Variants in CPA6 observed in about 807,000 individuals in gnomAD.
CPA6 encodes the protein carboxypeptidase B.
A neutral mutation model predicts 63.3 loss-of-function variants in CPA6; 58 were observed. The ratio of observed to expected loss-of-function variants is 0.92; its 90% CI spans 0.74 to 1.14. The LOEUF is 1.14. CPA6 is among the 50% of genes most tolerant of loss of function. The pLI, the probability that CPA6 is intolerant of heterozygous loss-of-function variation, is 0.00. For synonymous variants in CPA6, 185 were observed against 179.0 expected, an observed-to-expected ratio of 1.03 and a Z score of -0.27; for missense variants, 565 against 526.6, an observed-to-expected ratio of 1.07 and a Z score of -0.71.
At chr8:67,426,150 G>A (rs1304655160) in intron 10 of CPA6, among the ~76,000 whole-genome samples, 1 of 152,124 alleles carries the variant, frequency 6.6e-6, no homozygotes, top group African/African-American at 2.4e-5. Flanking sequence ...TGTCTTTTTA[G>A]TAGATAAGGG....
At chr8:67,735,980 G>T (rs1817805193) in intron 1 of CPA6, among the ~76,000 whole-genome samples, 1 of 152,058 alleles carries the variant, frequency 6.6e-6, no homozygotes, top group Non-Finnish European at 1.5e-5. Flanking sequence ...CTGGGTTTAT[G>T]GTTCCTTTAT....
chr8:67,528,652 T>C (rs1812414470), intron 2 of CPA6, among the ~76,000 whole-genome samples: 1 of 152,022 alleles, frequency 6.6e-6, no homozygotes, highest in Admixed American at 6.5e-5. Flanking sequence ...CTCTCCTTCC[T>C]CCACATCCCT....
chr8:67,555,200 G>A (rs1813032250), intron 2 of CPA6, among the ~76,000 whole-genome samples: 1 of 152,114 alleles, frequency 6.6e-6, no homozygotes, highest in Admixed American at 6.5e-5. Flanking sequence ...GAGTTGGGGA[G>A]GACCCTAGAT....
chr8:67,554,462 A>T (rs949086106), intron 2 of CPA6, among the ~76,000 whole-genome samples: 2 of 152,200 alleles, frequency 1.3e-5, no homozygotes, highest in African/African-American at 4.8e-5. Flanking sequence ...ATCCGCCACC[A>T]TGGTCCAGTC....
chr8:67,714,284 G>A (rs1817333172), intron 1 of CPA6, among the ~76,000 whole-genome samples: 1 of 152,126 alleles, frequency 6.6e-6, no homozygotes. Flanking sequence ...AGTGGAAAGC[G>A]ACTAAAAAGG....
intron 5 of CPA6, among the ~76,000 whole-genome samples, chr8:67,507,155 A>T (rs1230130683): frequency 6.6e-5 from 10 of 151,956 alleles, no homozygotes; most frequent in Non-Finnish European, 2.9e-5. Flanking sequence ...TATTTTTAAA[A>T]TTTTTTAATT....
chr8:67,501,045 C>T (rs1052186012), intron 6 of CPA6, among the ~76,000 whole-genome samples: 1 of 152,060 alleles, frequency 6.6e-6, no homozygotes, highest in Non-Finnish European at 1.5e-5. Flanking sequence ...TTTAGCTCTC[C>T]TACTTCCTTT....
intron 2 of CPA6, among the ~76,000 whole-genome samples, chr8:67,586,443 T>A (rs1564011354): frequency 6.6e-6 from 1 of 152,216 alleles, no homozygotes; most frequent in African/African-American, 2.4e-5. Context: ...ATTACTACTA[T>A]GTTTAGTGAA....
At chr8:67,550,834 C>T (rs1270908512) in intron 2 of CPA6, among the ~76,000 whole-genome samples, 1 of 152,106 alleles carries the variant, frequency 6.6e-6, no homozygotes, top group East Asian at 1.9e-4. Context: ...ACTTGTATAT[C>T]TTCTTTTGAG....
chr8:67,545,910 A>T lies in CPA6; in HGVS notation c.193-27863T>A, dbSNP rs147231596. 2.9e-3 allele frequency among the ~76,000 whole-genome samples: 439 copies of T among 152,212 alleles called. 2 individuals carry two copies. The highest frequency in any genetic ancestry group is 0.01 in the African/African-American group (422 of 41,514). Reference sequence around the variant, plus strand: ...AGCCACCTACTGAAAAATCTCTGTCATCCATCGAGTAGAAGATAAAGTCCA... The same window carrying T: ...AGCCACCTACTGAAAAATCTCTGTCTTCCATCGAGTAGAAGATAAAGTCCA... On this transcript the variant is annotated intron_variant, in intron 2 of 10. Coordinates refer to ENST00000297770, the MANE Select transcript of CPA6 (RefSeq NM_020361.5).
chr8:67,584,533 T>C (rs1813873094), intron 2 of CPA6, among the ~76,000 whole-genome samples: 1 of 152,200 alleles, frequency 6.6e-6, no homozygotes, highest in South Asian at 2.1e-4. Context: ...TGTTTTGTGT[T>C]AGAGCACAGA....
chr8:67,509,685 G>A, intron 4 of CPA6, 67 bp from the exon 5 acceptor site: 1 of 788,994 alleles, frequency 1.3e-6, no homozygotes, highest in Middle Eastern at 2.7e-4. Flanking sequence ...GAGAACAAAA[G>A]GAAACAAAAA....
chr8:67,654,555 T>C (rs1197915935), intron 1 of CPA6, among the ~76,000 whole-genome samples: 2 of 152,184 alleles, frequency 1.3e-5, no homozygotes, highest in East Asian at 1.9e-4. Context: ...TATTCTCTGA[T>C]GGTAGTTTGT....
At chr8:67,705,382 C>T (rs887462450) in intron 1 of CPA6, among the ~76,000 whole-genome samples, 4 of 152,150 alleles carry the variant, frequency 2.6e-5, no homozygotes, top group Non-Finnish European at 5.9e-5. Flanking sequence ...TTATAAATTT[C>T]CCTTTGGGTT....
intron 2 of CPA6, among the ~76,000 whole-genome samples, chr8:67,536,510 T>C (rs1196444952): frequency 6.6e-6 from 1 of 152,156 alleles, no homozygotes; most frequent in African/African-American, 2.4e-5. Context: ...CTATTATTGG[T>C]GTATAGGAAT....
At chr8:67,620,825 T>C (rs1815063728) in intron 2 of CPA6, among the ~76,000 whole-genome samples, 1 of 152,196 alleles carries the variant, frequency 6.6e-6, no homozygotes, top group Admixed American at 6.5e-5. Context: ...CAAAAAAATT[T>C]AACAGAGCAG....
intron 1 of CPA6, among the ~76,000 whole-genome samples, chr8:67,742,406 G>T (rs1817930106): frequency 6.6e-6 from 1 of 152,284 alleles, no homozygotes; most frequent in Middle Eastern, 3.4e-3. Context: ...GGCAGAGTGA[G>T]AAGTACAGTG....
At position 67,733,767 on chromosome 8, in the gene CPA6, G is replaced by A. The variant is rs149144983; in HGVS notation, c.116+12247C>T. On this transcript the variant is annotated intron_variant, in intron 1 of 10. Coordinates refer to ENST00000297770, the MANE Select transcript of CPA6 (RefSeq NM_020361.5). ...GCCTTGGAAAGGAGTGGGGGGCGGT[G>A]GGGGCGGGATCAGGAACCTGTAGAG... Among the ~76,000 whole-genome samples, 1,257 of 152,064 alleles carry A rather than the reference G, an allele frequency of 8.3e-3. 21 individuals carry two copies. The highest frequency in any genetic ancestry group is 0.028 in the African/African-American group (1,177 of 41,460).
At chr8:67,507,870 A>T (rs1811962145) in intron 5 of CPA6, among the ~76,000 whole-genome samples, 1 of 152,154 alleles carries the variant, frequency 6.6e-6, no homozygotes. Context: ...CTGGAAGAGA[A>T]TCTGAGCGCA....
Sources: allele counts gnomAD v4.1 joint callset (sites outside exome capture counted in the v4.1 genomes callset), GRCh38; gene constraint gnomAD v4.1.1; transcripts MANE v1.5; gene names NCBI Gene and HGNC (gene_info 2026-07-23, HGNC 2026-07-21).